Variants in LHCGR observed in about 807,000 individuals in gnomAD.
LHCGR encodes luteinizing hormone/choriogonadotropin receptor.
In LHCGR, 55 loss-of-function variants were observed where a neutral mutation model predicts 60.7. The ratio of observed to expected loss-of-function variants is 0.91; its 90% confidence interval spans 0.73 to 1.13. The LOEUF is 1.13. Among genes scored for constraint, LHCGR ranks in the 50% most tolerant of loss-of-function variants. The pLI is 0.00. For missense variants in LHCGR, 862 were observed against 836.0 expected, an observed-to-expected ratio of 1.03 and a Z score of -0.38; for synonymous variants, 337 against 316.5, an observed-to-expected ratio of 1.06 and a Z score of -0.69.
intron 8 of LHCGR, among the ~76,000 whole-genome samples, chr2:48,703,468 A>T (rs551534659): frequency 9.7e-4 from 148 of 152,270 alleles, no homozygotes; most frequent in Non-Finnish European, 1.4e-3. Flanking sequence ...TAAGGAAGGG[A>T]TCCAGTTTCA....
intron 9 of LHCGR, among the ~76,000 whole-genome samples, chr2:48,698,038 C>T (rs1375918777): frequency 6.6e-6 from 1 of 152,180 alleles, no homozygotes; most frequent in African/African-American, 2.4e-5. Context: ...GTGTCCCCCA[C>T]CCTGGACTGA....
chr2:48,733,731 G>A (rs1188229466), intron 1 of LHCGR, among the ~76,000 whole-genome samples: 1 of 151,878 alleles, frequency 6.6e-6, no homozygotes, highest in Non-Finnish European at 1.5e-5. Flanking sequence ...GTGGTCCTGT[G>A]AATCGAAAAC....
chr2:48,706,481 T>G (rs1211541306), intron 8 of LHCGR, among the ~76,000 whole-genome samples: 3 of 152,150 alleles, frequency 2.0e-5, no homozygotes, highest in Non-Finnish European at 4.4e-5. Context: ...TATTCAGGAG[T>G]GTTTTCTAAC....
intron 6 of LHCGR, among the ~76,000 whole-genome samples, chr2:48,714,411 G>A (rs1668141199): frequency 6.6e-6 from 1 of 152,084 alleles, no homozygotes; most frequent in African/African-American, 2.4e-5. Flanking sequence ...TGGTTTTGCA[G>A]GCCGGTGTGG....
At chr2:48,700,976 C>A (rs1667379384) in intron 8 of LHCGR, among the ~76,000 whole-genome samples, 1 of 152,010 alleles carries the variant, frequency 6.6e-6, no homozygotes, top group African/African-American at 2.4e-5. Context: ...AGAGTGAGAA[C>A]TGGACAGTGG....
rs548172361 is a variant in LHCGR, at chr2:48,742,780, G to A, written c.162-11482C>T. Among the ~76,000 whole-genome samples the A allele has an allele frequency of 5.9e-3, 903 of 152,134 alleles. 6 individuals carry two copies. The highest frequency in any genetic ancestry group is 0.014 in the Middle Eastern group (4 of 294). ...TGACACCCTAACATCACAATTAAAA[G>A]AACTAGAAAAGCAAGAGCAAACACA... On this transcript the variant is annotated intron_variant, in intron 1 of 10. Transcript: ENST00000294954.
chr2:48,739,534 G>T (rs899574099), intron 1 of LHCGR, among the ~76,000 whole-genome samples: 2 of 152,084 alleles, frequency 1.3e-5, no homozygotes, highest in Non-Finnish European at 2.9e-5. Flanking sequence ...AAGCTGGAAA[G>T]CATCATTCTC....
At chr2:48,692,684 T>A (rs1253608195) in intron 10 of LHCGR, among the ~76,000 whole-genome samples, 1 of 152,090 alleles carries the variant, frequency 6.6e-6, no homozygotes, top group African/African-American at 2.4e-5. Context: ...GATGGGAATT[T>A]TAGGAGGACA....
chr2:48,722,855 A>G (rs770895556), intron 6 of LHCGR, among the ~76,000 whole-genome samples: 1 of 152,234 alleles, frequency 6.6e-6, no homozygotes, highest in Non-Finnish European at 1.5e-5. Flanking sequence ...TCATAGTTTG[A>G]ATAGTGAGGC....
chr2:48,755,421 AG>A, intron 1 of LHCGR, 89 bp downstream of exon 1: 2 of 812,830 alleles, frequency 2.5e-6, no homozygotes, highest in Non-Finnish European at 3.9e-6. Flanking sequence ...TTCCAGGGAA[AG>A]GGGGCCAAAG....
chr2:48,703,860 C>T (rs1667528113), intron 8 of LHCGR, among the ~76,000 whole-genome samples: 1 of 152,160 alleles, frequency 6.6e-6, no homozygotes, highest in Admixed American at 6.5e-5. Flanking sequence ...TCCTCTTTTC[C>T]TAAATGAATA....
intron 7 of LHCGR, among the ~76,000 whole-genome samples, chr2:48,713,713 G>A (rs1156683743): frequency 6.6e-6 from 1 of 152,158 alleles, no homozygotes; most frequent in Non-Finnish European, 1.5e-5. Flanking sequence ...GCTAGAGAGG[G>A]AGGCATTGAG....
Position 48,755,483 on chromosome 2 carries a change from C to G in LHCGR, c.161+28G>C, listed in dbSNP as rs4073366. The G allele has an allele frequency of 0.16, 234,956 of 1,431,042 alleles. 21,445 individuals carry two copies. The highest frequency in any genetic ancestry group is 0.31 in the Admixed American group (15,332 of 49,784). The allele number at this position is 1,431,042 out of a possible 1,614,324, so 88.6% of individuals were successfully genotyped here. On this transcript the variant is annotated intron_variant, in intron 1 of 10. Coordinates refer to ENST00000294954, the MANE Select transcript of LHCGR (RefSeq NM_000233.4). The stretch of plus-strand genomic sequence containing the variant: ...GCGATGGAGGGTCCTGCATCAAGGG[C>G]GCCGCGACGGGAGCGCTGTGTACTC...
At chr2:48,744,791 A>G (rs1370571139) in intron 1 of LHCGR, among the ~76,000 whole-genome samples, 1 of 151,552 alleles carries the variant, frequency 6.6e-6, no homozygotes, top group Admixed American at 6.6e-5. Flanking sequence ...ATGGGCAAGG[A>G]CTTCATGTCT....
At chr2:48,717,542 C>CTTATTATTATTATTATTATTATTATTA (rs34793365) in intron 6 of LHCGR, among the ~76,000 whole-genome samples, 68 of 151,070 alleles carry the variant, frequency 4.5e-4, no homozygotes, top group South Asian at 6.3e-4. Flanking sequence ...ATGTGTTGAT[C>CTTATTATTATTATTATTATTATTATTA]TTATTATTAT....
At chr2:48,704,853 T>C (rs1400801683) in intron 8 of LHCGR, among the ~76,000 whole-genome samples, 1 of 152,204 alleles carries the variant, frequency 6.6e-6, no homozygotes, top group African/African-American at 2.4e-5. Context: ...CCTGGATTCA[T>C]TGATTTTTTG....
At chr2:48,746,927 A>G (rs1240481941) in intron 1 of LHCGR, among the ~76,000 whole-genome samples, 1 of 152,200 alleles carries the variant, frequency 6.6e-6, no homozygotes, top group African/African-American at 2.4e-5. Flanking sequence ...GAAGCTGAGA[A>G]TATTATGTTG....
intron 6 of LHCGR, chr2:48,721,141 A>T (rs111607128): frequency 5.2e-5 from 8 of 152,630 alleles, no homozygotes; most frequent in African/African-American, 1.9e-4. Flanking sequence ...TGAGACTATG[A>T]ACTTCTCGAG....
chr2:48,739,232 A>C (rs922160051), intron 1 of LHCGR, among the ~76,000 whole-genome samples: 1 of 152,252 alleles, frequency 6.6e-6, no homozygotes, highest in Non-Finnish European at 1.5e-5. Flanking sequence ...AACTAGTTCA[A>C]CCATTGTGGA....
Sources: allele counts gnomAD v4.1 joint callset (sites outside exome capture counted in the v4.1 genomes callset), GRCh38; gene constraint gnomAD v4.1.1; transcripts MANE v1.5; gene names NCBI Gene and HGNC (gene_info 2026-07-23, HGNC 2026-07-21).